CFAP65: variants seen among roughly 807,000 people sequenced by gnomAD.
CFAP65 encodes the protein cilia and flagella associated protein 65.
CFAP65 carries 155 observed loss-of-function variants against 208.0 expected under a neutral mutation model. The ratio of observed to expected loss-of-function variants is 0.75; its 90% CI spans 0.65 to 0.85. CFAP65 has a LOEUF of 0.85. CFAP65 is among the 40% of genes least tolerant of loss of function. The pLI is 0.00. For synonymous variants in CFAP65, 970 were observed against 986.3 expected, an observed-to-expected ratio of 0.98 and a Z score of 0.31; for missense variants, 2,294 against 2,451.3, an observed-to-expected ratio of 0.94 and a Z score of 1.36.
intron 26 of CFAP65, 81 bp from the exon 27 acceptor site, chr2:219,010,166 G>A: frequency 7.2e-7 from 1 of 1,384,866 alleles, no homozygotes; most frequent in East Asian, 2.4e-5. Flanking sequence ...CACTTTGGGA[G>A]GCCAAGGTGG....
chr2:219,019,646 C>A lies in CFAP65; in HGVS notation c.3333G>T (p.Leu1111=), dbSNP rs1275846749. 7 of 1,613,710 alleles carry A rather than the reference C, an allele frequency of 4.3e-6. No homozygotes were observed. Among genetic ancestry groups the A allele is most frequent in the African/African-American group, 4.0e-5 (3 of 74,944 alleles). ...LVAVYPLLSI[L]DVSSMGSAEG... is the part of the protein sequence containing the mutation. ...CAGCACTGCCCATGGAGCTGACATC[C>A]AGGATGGAAAGCAAGGGGTACACGG... Residue 1111 remains leucine (L), a synonymous_variant, in exon 20 of 35, where the codon CTG becomes CTT. Transcript: ENST00000341552.
chr2:219,007,641 G>A (rs1007470386), intron 29 of CFAP65, among the ~76,000 whole-genome samples: 6 of 151,972 alleles, frequency 3.9e-5, no homozygotes, highest in Non-Finnish European at 7.4e-5. Flanking sequence ...GTGTTGTCTC[G>A]TGTTTATTAT....
intron 27 of CFAP65, among the ~76,000 whole-genome samples, chr2:219,009,718 GA>G (rs1946319543): frequency 1.2e-5 from 1 of 82,830 alleles, no homozygotes; most frequent in African/African-American, 5.6e-5. Context: ...GGGTGGGATG[GA>G]GTAGAATGGG....
At chr2:219,027,055 A>T in intron 13 of CFAP65, 2 of 1,013,172 alleles carry the variant, frequency 2.0e-6, no homozygotes, top group Non-Finnish European at 2.4e-6. Context: ...TCTGGGCCCC[A>T]AGACCTTGGC....
chr2:219,011,061 A>T, intron 24 of CFAP65, 65 bp from the exon 25 acceptor site: 1 of 1,471,308 alleles, frequency 6.8e-7, no homozygotes, highest in Non-Finnish European at 9.2e-7. Context: ...AAAGCCTGGG[A>T]TGCTGTGCCC....
intron 30 of CFAP65, 115 bp from the exon 31 acceptor site, chr2:219,006,338 C>T (rs980855786): frequency 1.6e-5 from 23 of 1,477,178 alleles, no homozygotes; most frequent in Non-Finnish European, 2.8e-6. Flanking sequence ...AGCGTGTGAC[C>T]CCACTCATTG....
Position 219,024,258 on chromosome 2 carries a change from T to C in CFAP65, c.2352A>G (p.Leu784=), listed in dbSNP as rs138825313. Residue 784 remains leucine, a splice_region_variant and synonymous_variant, in exon 15 of 35, where the codon CTA becomes CTG. Coordinates refer to ENST00000341552, the MANE Select transcript of CFAP65 (RefSeq NM_194302.4). ...GCTCACCGGAGGACACTGCTGGAAA[T>C]AGCTGGGGGTGGGAGAGGAGGAAAG... The part of the protein sequence containing the change: ...IPQYSLDVPK[L]FPAVSSGEPT... 5 of 1,609,420 alleles carry C rather than the reference T, an allele frequency of 3.1e-6. No homozygotes were observed. The highest frequency in any genetic ancestry group is 4.2e-6 in the Non-Finnish European group (5 of 1,177,604).
intron 24 of CFAP65, among the ~76,000 whole-genome samples, chr2:219,011,270 C>CTTTTTTTTTTTTTTTTTTTTTTTTTTTT: frequency 9.3e-6 from 1 of 107,110 alleles, no homozygotes; most frequent in African/African-American, 3.6e-5. Flanking sequence ...CTTTTTCTTT[C>CTTTTTTTTTTTTTTTTTTTTTTTTTTTT]TTTTTTTTTT....
intron 20 of CFAP65, 132 bp from the exon 21 acceptor site, chr2:219,019,311 G>A: frequency 1.6e-6 from 2 of 1,263,034 alleles, no homozygotes; most frequent in South Asian, 3.0e-5. Flanking sequence ...GCGCAAGGGT[G>A]GGCTGGCTCT....
In CFAP65 at chr2:219,004,485, T is replaced by G; in HGVS notation, c.5052-30A>C. 6.4e-7 allele frequency: 1 copy of G among 1,572,904 alleles called. No homozygotes were observed. The highest frequency in any genetic ancestry group is 8.6e-7 in the Non-Finnish European group (1 of 1,161,504). Reference sequence around the variant, plus strand: ...GTGGCAGGGAGAAGGAGAAGGCCCTTGCTGAGGGGCCCTGAAGCCCCTGGG... The same window carrying G: ...GTGGCAGGGAGAAGGAGAAGGCCCTGGCTGAGGGGCCCTGAAGCCCCTGGG... On this transcript the variant is annotated intron_variant, in intron 32 of 34. Transcript: ENST00000341552. The surrounding 1 kb of genome is among the most constrained non-coding windows in gnomAD (Gnocchi z 4.7).
At position 219,004,256 on chromosome 2, in the gene CFAP65, G is replaced by T; in HGVS notation, c.5251C>A (p.Pro1751Thr). The change falls in exon 33 of 35, where the codon CCA becomes ACA. Residue 1751 changes from proline to threonine, a missense_variant. By Grantham distance (38) the Pro-to-Thr change is conservative (BLOSUM62 -1). Transcript: ENST00000341552. This position sits in a 1 kb window ranked among gnomAD's most constrained non-coding sequence, Gnocchi z 4.7. ...GKGKQPKEDR[P>T]EHYPGLGKKE... ...TTTCCCAACCCTGGATAGTGCTCTG[G>T]TCTGTCTTCCTTCGGCTGCTTGCCC... is the stretch of plus-strand genomic sequence containing the variant. The T allele has an allele frequency of 6.2e-7, 1 of 1,613,642 alleles. No homozygotes were observed. The highest frequency in any genetic ancestry group is 1.3e-5 in the African/African-American group (1 of 74,832).
chr2:219,037,376 T>G (rs1219551280), intron 4 of CFAP65, among the ~76,000 whole-genome samples: 3 of 152,082 alleles, frequency 2.0e-5, no homozygotes, highest in Non-Finnish European at 4.4e-5. Context: ...CTGGTGACAG[T>G]GTGAGATTCC....
At chr2:219,028,439 G>A in intron 11 of CFAP65, 38 bp from the exon 12 acceptor site, 1 of 1,586,004 alleles carries the variant, frequency 6.3e-7, no homozygotes, top group Non-Finnish European at 8.6e-7. Context: ...GCATGGGAGG[G>A]GTGGTAGGGC....
chr2:219,040,901 G>A (rs1318429252), intron 1 of CFAP65, among the ~76,000 whole-genome samples: 1 of 152,178 alleles, frequency 6.6e-6, no homozygotes, highest in Non-Finnish European at 1.5e-5. Context: ...GTAAAATGTG[G>A]GTTATCCTGA....
Position 219,013,984 on chromosome 2 carries a change from CT to C in CFAP65, c.3662del (p.Glu1221GlyfsTer2). 1.2e-6 allele frequency: 2 copies of C among 1,613,680 alleles called. No individual in the cohort carries two copies. Among genetic ancestry groups the C allele is most frequent in the East Asian group, 4.5e-5 (2 of 44,872 alleles). The stretch of plus-strand genomic sequence containing the variant: ...TCTGGTGGAGCTCAGTGGAATTCAA[CT>C]CTGCTTGCTCTGCCCAGAGCTCCAC... ...IDVELWAEQA[E>X]LNSTELHQMR... On this transcript the variant is annotated frameshift_variant, in exon 22 of 35. Coordinates refer to ENST00000341552, the MANE Select transcript of CFAP65 (RefSeq NM_194302.4). LOFTEE classifies it high-confidence loss of function.
chr2:219,021,316 A>G, intron 18 of CFAP65, 36 bp from the exon 19 acceptor site: 2 of 1,526,230 alleles, frequency 1.3e-6, no homozygotes, highest in Non-Finnish European at 1.8e-6. Flanking sequence ...CAGTGGGTAG[A>G]GGAGGCCCAG....
Position 219,023,299 on chromosome 2 carries a change from GC to G in CFAP65, c.2727del (p.Leu911CysfsTer23), listed in dbSNP as rs1380309858. ...SPFTFRNPSRLPLQFEWRVSE... is the reference protein window; with the variant it reads ...SPFTFRNPSRXPLQFEWRVSE... ...GAGACCCTCCACTCGAACTGCAGGG[GC>G]AGACGCGAGGGGTTGCGGAAGGTGA... On this transcript the variant is annotated frameshift_variant, in exon 16 of 35. Transcript: ENST00000341552. LOFTEE classifies it high-confidence loss of function. 1 of 1,613,204 alleles carries G rather than the reference GC, an allele frequency of 6.2e-7. No individual in the cohort carries two copies. The highest frequency in any genetic ancestry group is 1.3e-5 in the African/African-American group (1 of 74,934).
At position 219,027,335 on chromosome 2, in the gene CFAP65, T is replaced by C. The variant is rs1947695436; in HGVS notation, c.2211+315A>G. 4 of 1,445,422 alleles carry C rather than the reference T, an allele frequency of 2.8e-6. No individual in the cohort carries two copies. The South Asian group carries it at 6.0e-5, about 22-fold the overall frequency. 89.5% of individuals were successfully genotyped at this position (1,445,422 alleles called of 1,614,324 possible). A position where few individuals can be genotyped will look rare whatever the true frequency, so the allele number is the denominator to read the frequency against. ...TTAATTCAAGGACTAGTAGAGAAGC[T>C]AGGAGGCCTCCTAGCCAGGAGCCCC... On this transcript the variant is annotated intron_variant, in intron 13 of 34. Transcript: ENST00000341552.
At chr2:219,029,236 G>C (rs1947853787) in intron 11 of CFAP65, among the ~76,000 whole-genome samples, 167 bp downstream of exon 11, 1 of 152,218 alleles carries the variant, frequency 6.6e-6, no homozygotes, top group Non-Finnish European at 1.5e-5. Context: ...TGCCCAGGCT[G>C]CACACTGGCT....
Sources: gnomAD v4.1 joint callset for allele counts (sites outside exome capture counted in the v4.1 genomes callset) on GRCh38, gnomAD v4.1.1 for gene constraint, Gnocchi (gnomAD v3.1) non-coding constraint, MANE v1.5 for transcripts, NCBI Gene and HGNC (gene_info 2026-07-23, HGNC 2026-07-21) for gene names.